The following COL23A1 variants were observed in gnomAD, a reference collection of about 807,000 sequenced individuals.
COL23A1 encodes collagen type XXIII alpha 1 chain, also known as collagen alpha-1(XXIII) chain.
Under a neutral mutation model 99.3 loss-of-function variants are expected in COL23A1, and 97 were observed. The observed-to-expected ratio is 0.98, with a 90% CI of 0.83 to 1.16. COL23A1 has a LOEUF of 1.16. Ranked by LOEUF, COL23A1 falls within the 50% of genes most tolerant of loss-of-function variation. COL23A1 has a pLI of 0.00. For synonymous variants in COL23A1, 320 were observed against 308.2 expected, an observed-to-expected ratio of 1.04 and a Z score of -0.40; for missense variants, 762 against 757.4, an observed-to-expected ratio of 1.01 and a Z score of -0.07.
intron 2 of COL23A1, among the ~76,000 whole-genome samples, chr5:178,315,675 T>C (rs1208336432): frequency 6.6e-6 from 1 of 151,764 alleles, no homozygotes; most frequent in Non-Finnish European, 1.5e-5. Flanking sequence ...CGGATCAGAC[T>C]GTCAGAGCTC....
chr5:178,463,495 C>T (rs952708931), intron 2 of COL23A1, among the ~76,000 whole-genome samples: 1 of 152,104 alleles, frequency 6.6e-6, no homozygotes, highest in Non-Finnish European at 1.5e-5. Context: ...ACAATAATCA[C>T]GATAATAGGA....
chr5:178,239,840 C>T (rs946323093), intron 27 of COL23A1, among the ~76,000 whole-genome samples: 1 of 127,466 alleles, frequency 7.8e-6, no homozygotes, highest in South Asian at 2.3e-4. Flanking sequence ...TGGGTCCTGC[C>T]GAGAGCCGTG....
chr5:178,285,964 C>T (rs1437746106), intron 5 of COL23A1, among the ~76,000 whole-genome samples: 1 of 152,230 alleles, frequency 6.6e-6, no homozygotes, highest in African/African-American at 2.4e-5. Context: ...GTGGGTCTCA[C>T]GGAAGGAGTG....
At chr5:178,400,941 T>C (rs888216138) in intron 2 of COL23A1, among the ~76,000 whole-genome samples, 2 of 152,192 alleles carry the variant, frequency 1.3e-5, no homozygotes, top group African/African-American at 4.8e-5. Context: ...CCCGGCTATC[T>C]CCAGAACTTT....
chr5:178,333,264 T>C (rs1760137607), intron 2 of COL23A1, among the ~76,000 whole-genome samples: 2 of 152,134 alleles, frequency 1.3e-5, no homozygotes, highest in Admixed American at 1.3e-4. Flanking sequence ...CCGACTCATG[T>C]TTTAAAAAAC....
At chr5:178,504,442 G>A (rs1442458749) in intron 2 of COL23A1, among the ~76,000 whole-genome samples, 2 of 152,214 alleles carry the variant, frequency 1.3e-5, no homozygotes, top group African/African-American at 2.4e-5. Flanking sequence ...ATGAAAACGA[G>A]AGGATGGGGA....
chr5:178,430,134 C>T (rs1228591197), intron 2 of COL23A1, among the ~76,000 whole-genome samples: 1 of 152,216 alleles, frequency 6.6e-6, no homozygotes, highest in Non-Finnish European at 1.5e-5. Context: ...GCACCAGAAA[C>T]TTCTGGGTGG....
intron 5 of COL23A1, among the ~76,000 whole-genome samples, chr5:178,284,311 C>T (rs1383159339): frequency 6.6e-6 from 1 of 152,200 alleles, no homozygotes; most frequent in Non-Finnish European, 1.5e-5. Flanking sequence ...AGTTTAATCT[C>T]TGACTAGTTC....
At position 178,238,553 on chromosome 5, in the gene COL23A1, T is replaced by C. The variant is rs58562702; in HGVS notation, c.*145A>G. Reference sequence around the variant, plus strand: ...CCGGCAGCTTCACATGCCGGTGGCTTTGGGGCTGGGTGGGCATACTCTTGA... The same window carrying C: ...CCGGCAGCTTCACATGCCGGTGGCTCTGGGGCTGGGTGGGCATACTCTTGA... On this transcript the variant is annotated 3_prime_UTR_variant, in exon 29 of 29. Coordinates refer to ENST00000390654, the MANE Select transcript of COL23A1 (RefSeq NM_173465.4). The C allele has an allele frequency of 0.17, 187,649 of 1,097,458 alleles. 24,467 individuals carry two copies. The highest frequency in any genetic ancestry group is 0.65 in the African/African-American group (41,090 of 63,350). 68.0% of individuals were successfully genotyped at this position (1,097,458 alleles called of 1,614,324 possible).
intron 22 of COL23A1, among the ~76,000 whole-genome samples, chr5:178,246,872 A>T (rs1395329717): frequency 6.6e-6 from 1 of 152,188 alleles, no homozygotes; most frequent in Admixed American, 6.5e-5. Context: ...GAGAAAGCAG[A>T]ACCAGAAGCA....
intron 2 of COL23A1, among the ~76,000 whole-genome samples, chr5:178,353,115 C>T (rs7719806): frequency 0.055 from 8,434 of 152,166 alleles, 501 homozygotes; most frequent in African/African-American, 0.14. Context: ...ATCACTGCAG[C>T]GTCACGTTTA....
At chr5:178,256,303 G>C in intron 15 of COL23A1, 50 bp downstream of exon 15, 6 of 1,430,382 alleles carry the variant, frequency 4.2e-6, no homozygotes, top group Non-Finnish European at 5.6e-6. Flanking sequence ...TGAAGCTATG[G>C]GGCCCCTAGA....
At chr5:178,493,904 G>A (rs1758063546) in intron 2 of COL23A1, among the ~76,000 whole-genome samples, 1 of 152,356 alleles carries the variant, frequency 6.6e-6, no homozygotes, top group East Asian at 1.9e-4. Flanking sequence ...CAGGCCACAA[G>A]TCACTGCCAA....
At chr5:178,399,512 G>A (rs969249757) in intron 2 of COL23A1, among the ~76,000 whole-genome samples, 1 of 152,198 alleles carries the variant, frequency 6.6e-6, no homozygotes, top group Admixed American at 6.5e-5. Flanking sequence ...CGATTGCTGG[G>A]AACATGGAAG....
At chr5:178,431,268 G>A (rs62389412) in intron 2 of COL23A1, among the ~76,000 whole-genome samples, 6,947 of 152,238 alleles carry the variant, frequency 0.046, 188 homozygotes, top group Non-Finnish European at 0.056. Flanking sequence ...CGCAGGGTGT[G>A]TCCTGGTCAG....
At chr5:178,358,248 G>GTGTGTGTGTGTATGTATA (rs1554145309) in intron 2 of COL23A1, among the ~76,000 whole-genome samples, 2 of 125,616 alleles carry the variant, frequency 1.6e-5, no homozygotes, top group Non-Finnish European at 3.6e-5. Context: ...GTATGTGTAT[G>GTGTGTGTGTGTATGTATA]TGTGTGTATG....
chr5:178,466,201 C>T (rs573863364), intron 2 of COL23A1, among the ~76,000 whole-genome samples: 2 of 152,122 alleles, frequency 1.3e-5, no homozygotes, highest in South Asian at 2.1e-4. Context: ...TCCCTCCTCT[C>T]GGCCTCCACT....
At chr5:178,481,629 A>C (rs1757344274) in intron 2 of COL23A1, among the ~76,000 whole-genome samples, 1 of 152,222 alleles carries the variant, frequency 6.6e-6, no homozygotes, top group East Asian at 1.9e-4. Flanking sequence ...AAAGATGCTC[A>C]ATATTATTAG....
chr5:178,355,840 T>C (rs1180623552), intron 2 of COL23A1, among the ~76,000 whole-genome samples: 1 of 152,224 alleles, frequency 6.6e-6, no homozygotes, highest in Non-Finnish European at 1.5e-5. Flanking sequence ...AGCTGCAGGT[T>C]CAGAGGGCTG....
Sources: gnomAD v4.1 joint callset for allele counts (sites outside exome capture counted in the v4.1 genomes callset) on GRCh38, gnomAD v4.1.1 for gene constraint, MANE v1.5 for transcripts, NCBI Gene and HGNC (gene_info 2026-07-23, HGNC 2026-07-21) for gene names.